Variants in EDIL3 observed in about 807,000 individuals in gnomAD.
EDIL3 encodes EGF like and discoidin domains 3, also known as EGF-like repeat and discoidin I-like domain-containing protein 3.
EDIL3 carries 37 observed loss-of-function variants against 67.4 expected under a neutral mutation model. That is an observed-to-expected ratio of 0.55 (90% CI 0.42 to 0.72). The LOEUF (loss-of-function observed/expected upper bound fraction) is 0.72, where lower values mean the gene tolerates loss of function less well. Ranked by LOEUF, EDIL3 falls within the 30% of genes least tolerant of loss-of-function variation. The pLI is 0.00. For synonymous variants in EDIL3, 195 were observed against 196.3 expected (o/e 0.99, Z 0.05); for missense variants, 527 against 586.3 (o/e 0.90, Z 1.04).
intron 9 of EDIL3, among the ~76,000 whole-genome samples, chr5:83,984,354 T>A (rs1745023887): frequency 6.6e-6 from 1 of 152,068 alleles, no homozygotes; most frequent in Non-Finnish European, 1.5e-5. Context: ...ACTCTCTATA[T>A]CATAGAGCAG....
At chr5:84,369,957 T>C (rs560556407) in intron 1 of EDIL3, among the ~76,000 whole-genome samples, 1 of 152,314 alleles carries the variant, frequency 6.6e-6, no homozygotes, top group South Asian at 2.1e-4. Flanking sequence ...CTTGAAATTT[T>C]AAAACAAAGA....
At chr5:84,323,371 T>C (rs1164342464) in intron 1 of EDIL3, among the ~76,000 whole-genome samples, 2 of 151,888 alleles carry the variant, frequency 1.3e-5, no homozygotes, top group Non-Finnish European at 2.9e-5. Flanking sequence ...GTTTAGGACA[T>C]TAAAATGCTG....
intron 1 of EDIL3, among the ~76,000 whole-genome samples, chr5:84,277,135 T>C (rs1343061554): frequency 1.3e-5 from 2 of 152,190 alleles, no homozygotes; most frequent in East Asian, 1.9e-4. Context: ...ATTTTAATTA[T>C]TGGCTGCAAT....
intron 4 of EDIL3, among the ~76,000 whole-genome samples, chr5:84,158,357 G>C (rs1357013276): frequency 6.6e-6 from 1 of 151,980 alleles, no homozygotes; most frequent in African/African-American, 2.4e-5. Flanking sequence ...TAAATACTGA[G>C]AAAATAATTT....
intron 1 of EDIL3, among the ~76,000 whole-genome samples, chr5:84,333,672 T>C (rs1249688229): frequency 2.0e-5 from 3 of 152,206 alleles, no homozygotes; most frequent in Non-Finnish European, 1.5e-5. Flanking sequence ...AGTAAATTAA[T>C]AATCAAGTAG....
chr5:84,182,907 C>T (rs1161895957), intron 3 of EDIL3, among the ~76,000 whole-genome samples: 1 of 151,966 alleles, frequency 6.6e-6, no homozygotes, highest in Non-Finnish European at 1.5e-5. Flanking sequence ...AATTATCTAA[C>T]ACCTGCCTTC....
chr5:84,150,149 C>T (rs1435668916), intron 4 of EDIL3, among the ~76,000 whole-genome samples: 1 of 152,066 alleles, frequency 6.6e-6, no homozygotes, highest in Non-Finnish European at 1.5e-5. Context: ...TTACAAAAGA[C>T]ATCAAAATTA....
chr5:84,196,191 C>T (rs1474613111), intron 3 of EDIL3, among the ~76,000 whole-genome samples: 2 of 151,400 alleles, frequency 1.3e-5, no homozygotes, highest in African/African-American at 4.8e-5. Context: ...TATTACTTTG[C>T]AAAAAAAATA....
At chr5:84,280,877 T>C (rs1214204003) in intron 1 of EDIL3, among the ~76,000 whole-genome samples, 1 of 137,866 alleles carries the variant, frequency 7.3e-6, no homozygotes, top group Non-Finnish European at 1.5e-5. Context: ...CTTGAGCCCA[T>C]GAGTTTGAAG....
At position 84,380,134 on chromosome 5, in the gene EDIL3, ACT is replaced by A. The variant is rs1409241140; in HGVS notation, c.67+4172_67+4173del. ...ATTACTTCACATTGGCAGTCATTTG[ACT>A]CTGTCTATAAATACATGTTTGCTTT... On this transcript the variant is annotated intron_variant, in intron 1 of 10. Coordinates refer to ENST00000296591, the MANE Select transcript of EDIL3 (RefSeq NM_005711.5). Among the ~76,000 whole-genome samples, 19 of 152,030 alleles carry A rather than the reference ACT, an allele frequency of 1.2e-4. No individual in the cohort carries two copies. The East Asian group carries it at 3.5e-3, about 28-fold the overall frequency.
At chr5:84,182,270 TAC>T (rs71607704) in intron 3 of EDIL3, among the ~76,000 whole-genome samples, 26,861 of 141,712 alleles carry the variant, frequency 0.19, 2,807 homozygotes, top group South Asian at 0.26. Context: ...CTACAAAAAA[TAC>T]ACACACACAC....
intron 4 of EDIL3, among the ~76,000 whole-genome samples, chr5:84,152,548 T>C (rs1461404970): frequency 6.6e-6 from 1 of 152,240 alleles, no homozygotes; most frequent in Admixed American, 6.5e-5. Context: ...GTTTAGTTCC[T>C]TTTAATAAAA....
At chr5:84,076,981 A>T (rs1218902078) in intron 6 of EDIL3, among the ~76,000 whole-genome samples, 2 of 152,244 alleles carry the variant, frequency 1.3e-5, no homozygotes, top group African/African-American at 4.8e-5. Context: ...ACCCCTTTTC[A>T]TCACACAGAA....
chr5:83,999,682 A>C (rs75730141), intron 9 of EDIL3, among the ~76,000 whole-genome samples: 19,604 of 151,928 alleles, frequency 0.13, 3,151 homozygotes, highest in African/African-American at 0.39. Flanking sequence ...CTAAGGGTTG[A>C]TGGCCTTAAA....
intron 1 of EDIL3, among the ~76,000 whole-genome samples, chr5:84,314,787 T>C (rs1746476517): frequency 6.6e-6 from 1 of 152,158 alleles, no homozygotes; most frequent in Non-Finnish European, 1.5e-5. Flanking sequence ...ATTCCATGCC[T>C]AAGTTAATAA....
intron 1 of EDIL3, among the ~76,000 whole-genome samples, chr5:84,341,164 C>T (rs1243138430): frequency 6.6e-6 from 1 of 151,980 alleles, no homozygotes; most frequent in Non-Finnish European, 1.5e-5. Context: ...CAAAACACAA[C>T]TTTTGCATAA....
rs1165577087 is a variant in EDIL3 at position 84,317,960 on chromosome 5, C to A, written c.68-63748G>T. 2.0e-5 allele frequency among the ~76,000 whole-genome samples: 3 copies of A among 152,170 alleles called. No individual in the cohort carries two copies. In the East Asian group the frequency reaches 5.8e-4, roughly 29 times the overall value. Reference sequence around the variant, plus strand: ...TCCTTAAGCTAATAAGCAACCTCAGCAAAGTCTCAGGATAAAAAATCAATG... The same window carrying A: ...TCCTTAAGCTAATAAGCAACCTCAGAAAAGTCTCAGGATAAAAAATCAATG... On this transcript the variant is annotated intron_variant, in intron 1 of 10. Transcript: ENST00000296591.
chr5:83,955,147 G>A (rs188522702), intron 10 of EDIL3, among the ~76,000 whole-genome samples: 180 of 151,724 alleles, frequency 1.2e-3, no homozygotes, highest in African/African-American at 4.0e-3. Context: ...ATGCAATTAG[G>A]TCTATTAATA....
At chr5:84,030,966 C>G (rs142292558) in intron 9 of EDIL3, among the ~76,000 whole-genome samples, 1 of 152,026 alleles carries the variant, frequency 6.6e-6, no homozygotes, top group African/African-American at 2.4e-5. Flanking sequence ...GGCTGGTAGT[C>G]CAAGATCAAG....
Sources: allele counts gnomAD v4.1 joint callset (sites outside exome capture counted in the v4.1 genomes callset), GRCh38; gene constraint gnomAD v4.1.1; transcripts MANE v1.5; gene names NCBI Gene and HGNC (gene_info 2026-07-23, HGNC 2026-07-21).